MAZ: variants seen among roughly 807,000 people sequenced by gnomAD.
MAZ encodes MYC associated zinc finger protein.
A neutral mutation model predicts 32.7 loss-of-function variants in MAZ; 4 were observed. That is an observed-to-expected ratio of 0.12 (90% CI 0.06 to 0.28). The LOEUF (loss-of-function observed/expected upper bound fraction) is 0.28, where lower values mean the gene tolerates loss of function less well. Among genes scored for constraint, MAZ ranks in the 10% least tolerant of loss-of-function variants. The pLI, the probability that MAZ is intolerant of heterozygous loss-of-function variation, is 1.00. For synonymous variants in MAZ, 510 were observed against 297.6 expected, an observed-to-expected ratio of 1.71 and a Z score of -7.35; for missense variants, 763 against 667.2, an observed-to-expected ratio of 1.14 and a Z score of -1.58.
intron 4 of MAZ, 109 bp from the exon 5 acceptor site, chr16:29,809,968 A>T: frequency 6.6e-7 from 1 of 1,513,124 alleles, no homozygotes; most frequent in Non-Finnish European, 8.9e-7. Flanking sequence ...CCAGATAGGA[A>T]GTGAGCAACG....
Position 29,808,691 on chromosome 16 carries a change from T to C in MAZ, c.1229T>C (p.Met410Thr). 1 of 1,613,894 alleles carries C rather than the reference T, an allele frequency of 6.2e-7. No homozygotes were observed. Among genetic ancestry groups the C allele is most frequent in the Non-Finnish European group, 8.5e-7 (1 of 1,179,972 alleles). The change falls in exon 4 of 5, where the codon ATG (methionine) becomes ACG (threonine). Residue 410 changes from methionine to threonine, a missense_variant. Physicochemically the swap from Met to Thr is moderately conservative, Grantham distance 81. Coordinates refer to ENST00000322945, the MANE Select transcript of MAZ (RefSeq NM_002383.4). Reference sequence around the variant, plus strand: ...AGCTCGGCTTATATTTCGGACCACATGAAGGTGCACAGCCAGGGTCCTCAC... The same window carrying C: ...AGCTCGGCTTATATTTCGGACCACACGAAGGTGCACAGCCAGGGTCCTCAC... ...MLSSAYISDH[M>T]KVHSQGPHHV...
Position 29,810,580 on chromosome 16 carries a change from C to T in MAZ, c.*349C>T. On this transcript the variant is annotated 3_prime_UTR_variant, in exon 5 of 5. Transcript: ENST00000322945. ...TTCCCAGGGACTTGTGAGCCTCTTC[C>T]CTCGACGGTCCTCTTCTCTCCTTCC... is the stretch of plus-strand genomic sequence containing the variant. The T allele has an allele frequency of 2.9e-6, 2 of 694,268 alleles. No homozygotes were observed. Among genetic ancestry groups the T allele is most frequent in the Non-Finnish European group, 2.6e-6 (1 of 379,822 alleles). 43.0% of individuals were successfully genotyped at this position (694,268 alleles called of 1,614,324 possible).
At chr16:29,808,510 C>T (rs1899689818) in intron 3 of MAZ, 60 bp from the exon 4 acceptor site, 3 of 1,201,842 alleles carry the variant, frequency 2.5e-6, no homozygotes, top group Non-Finnish European at 3.6e-6. Flanking sequence ...CTCCCCCCTC[C>T]CCAGCCCACC....
Position 29,806,606 on chromosome 16 carries a change from CCCGG to C in MAZ, c.-87_-84del. The C allele has an allele frequency of 1.0e-6, 1 of 968,278 alleles. No homozygotes were observed. The highest frequency in any genetic ancestry group is 1.2e-6 in the Non-Finnish European group (1 of 819,644). The allele number at this position is 968,278 out of a possible 1,614,324, so 60.0% of individuals were successfully genotyped here. On this transcript the variant is annotated 5_prime_UTR_variant, in exon 1 of 5. The change abolishes the stop of an existing upstream ORF in the 5' untranslated region. Coordinates refer to ENST00000322945, the MANE Select transcript of MAZ (RefSeq NM_002383.4). ...GGGCCATGCGTTCGGCGCGGCCCAG[CCCGG>C]CCGGCCGGGGGCGGCGCCCCGAGCC...
rs967643384 is a variant in MAZ, at chr16:29,810,155, C to T, written c.1358C>T (p.Pro453Leu). ...AAAAAAVAAP[P>L]TAVGSLSGAE... is the part of the protein sequence containing the mutation. ...GCAGCGGCAGCAGTAGCAGCCCCTC[C>T]CACAGCTGTGGGCTCCCTCTCGGGG... Residue 453 changes from proline (P) to leucine (L), a missense_variant, in exon 5 of 5, where the codon CCC (proline) becomes CTC (leucine). Physicochemically the swap from Pro to Leu is moderately conservative, Grantham distance 98. Transcript: ENST00000322945. 9 of 1,611,968 alleles carry T rather than the reference C, an allele frequency of 5.6e-6. No individual in the cohort carries two copies. Among genetic ancestry groups the T allele is most frequent in the Non-Finnish European group, 7.6e-6 (9 of 1,179,364 alleles).
At chr16:29,808,790 TG>T (rs1370462209) in intron 4 of MAZ, 49 bp downstream of exon 4, 17 of 1,584,786 alleles carry the variant, frequency 1.1e-5, no homozygotes, top group East Asian at 9.0e-5. Flanking sequence ...GGTGGGCGCC[TG>T]GCCAGACGCC....
At position 29,810,584 on chromosome 16, in the gene MAZ, G is replaced by A. The variant is rs928293818; in HGVS notation, c.*353G>A. ...CAGGGACTTGTGAGCCTCTTCCCTC[G>A]ACGGTCCTCTTCTCTCCTTCCAGTC... On this transcript the variant is annotated 3_prime_UTR_variant, in exon 5 of 5. Coordinates refer to ENST00000322945, the MANE Select transcript of MAZ (RefSeq NM_002383.4). 2 of 693,352 alleles carry A rather than the reference G, an allele frequency of 2.9e-6. No homozygotes were observed. Among genetic ancestry groups the A allele is most frequent in the African/African-American group, 3.5e-5 (2 of 56,718 alleles). The allele number at this position is 693,352 out of a possible 1,614,324, so 42.9% of individuals were successfully genotyped here.
chr16:29,809,605 G>A, intron 4 of MAZ: 1 of 1,612,152 alleles, frequency 6.2e-7, no homozygotes. Flanking sequence ...GGCCCCGCGG[G>A]CTGACCGCAT....
At chr16:29,808,145 G>T (rs1027896337) in intron 2 of MAZ, 85 bp from the exon 3 acceptor site, 6 of 1,240,450 alleles carry the variant, frequency 4.8e-6, no homozygotes, top group African/African-American at 1.5e-5. Context: ...GGAGGCGCAG[G>T]GATCCTCGGA....
Position 29,811,004 on chromosome 16 carries a change from A to T in MAZ, c.*773A>T, listed in dbSNP as rs528061657. Reference sequence around the variant, plus strand: ...GTGTCCCCCTCCCCTCTTCCACCCCAGCTCCAGCCCTGGTCTTGTCTTTTC... The same window carrying T: ...GTGTCCCCCTCCCCTCTTCCACCCCTGCTCCAGCCCTGGTCTTGTCTTTTC... On this transcript the variant is annotated 3_prime_UTR_variant, in exon 5 of 5. Coordinates refer to ENST00000322945, the MANE Select transcript of MAZ (RefSeq NM_002383.4). 2.1e-4 allele frequency: 93 copies of T among 449,860 alleles called. 3 individuals carry two copies. The highest frequency in any genetic ancestry group is 1.4e-3 in the South Asian group (90 of 63,224). 27.9% of individuals were successfully genotyped at this position (449,860 alleles called of 1,614,324 possible).
At position 29,810,377 on chromosome 16, in the gene MAZ, G is replaced by A. The variant is rs940945408; in HGVS notation, c.*146G>A. The A allele has an allele frequency of 8.0e-6, 7 of 875,340 alleles. No individual in the cohort carries two copies. Among genetic ancestry groups the A allele is most frequent in the Admixed American group, 8.0e-5 (4 of 50,202 alleles). 54.2% of individuals were successfully genotyped at this position (875,340 alleles called of 1,614,324 possible). ...AAAGGAGGAAGAAATGTTTTCTTAG[G>A]GGAATTCGCTAGGTTTTAACGATTT... On this transcript the variant is annotated 3_prime_UTR_variant, in exon 5 of 5. Transcript: ENST00000322945.
At position 29,810,064 on chromosome 16, in the gene MAZ, T is replaced by C. The variant is rs1227325898; in HGVS notation, c.1280-13T>C. ...CAGATCGCGCTGTGATCCGTGGTGT[T>C]TCTCCTGTGCAGGTACTGGTGAGGT... On this transcript the variant is annotated splice_polypyrimidine_tract_variant and intron_variant, in intron 4 of 4. Coordinates refer to ENST00000322945, the MANE Select transcript of MAZ (RefSeq NM_002383.4). The C allele has an allele frequency of 1.0e-5, 16 of 1,600,012 alleles. No individual in the cohort carries two copies. Among genetic ancestry groups the C allele is most frequent in the Non-Finnish European group, 1.3e-5 (15 of 1,172,218 alleles).
rs1224711953 is a variant in MAZ at position 29,807,156 on chromosome 16, C to T, written c.371C>T (p.Thr124Ile). 1 of 1,082,212 alleles carries T rather than the reference C, an allele frequency of 9.2e-7. No homozygotes were observed. Among genetic ancestry groups the T allele is most frequent in the Non-Finnish European group, 1.1e-6 (1 of 869,570 alleles). The allele number at this position is 1,082,212 out of a possible 1,614,324, so 67.0% of individuals were successfully genotyped here. A position where few individuals can be genotyped will look rare whatever the true frequency, so the allele number is the denominator to read the frequency against. ...PAPAAASTVDTAALKQPPAPP... is the reference protein window; with the variant it reads ...PAPAAASTVDIAALKQPPAPP... ...CCTGCCGCCGCCTCTACGGTGGACACAGCGGCCCTGAAGCAGCCTCCGGCG... is the reference window on the plus strand; with the variant it reads ...CCTGCCGCCGCCTCTACGGTGGACATAGCGGCCCTGAAGCAGCCTCCGGCG... The change falls in exon 2 of 5, where the codon ACA becomes ATA. Residue 124 changes from threonine to isoleucine, a missense_variant. Coordinates refer to ENST00000322945, the MANE Select transcript of MAZ (RefSeq NM_002383.4).
chr16:29,807,854 C>T (rs767025801), intron 2 of MAZ, 26 bp downstream of exon 2: 1 of 1,593,542 alleles, frequency 6.3e-7, no homozygotes, highest in Non-Finnish European at 8.5e-7. Context: ...CGGCCGCCCG[C>T]TAGGCCGTGG....
chr16:29,809,502 G>T, intron 4 of MAZ: 1 of 1,350,666 alleles, frequency 7.4e-7, no homozygotes. Context: ...GTCTCCGCCT[G>T]GCTGACCCCC....
In MAZ at chr16:29,806,566, G is replaced by T; in HGVS notation, c.-136G>T. ...CTCCCGCCGGCCGGGGTGCGCGGGCGGCGGGGCGGCCCGCGGGCCATGCGT... is the reference window on the plus strand; with the variant it reads ...CTCCCGCCGGCCGGGGTGCGCGGGCTGCGGGGCGGCCCGCGGGCCATGCGT... On this transcript the variant is annotated 5_prime_UTR_variant, in exon 1 of 5. Transcript: ENST00000322945. 1 of 942,246 alleles carries T rather than the reference G, an allele frequency of 1.1e-6. No individual in the cohort carries two copies. Among genetic ancestry groups the T allele is most frequent in the Non-Finnish European group, 1.3e-6 (1 of 797,602 alleles). The allele number at this position is 942,246 out of a possible 1,614,324, so 58.4% of individuals were successfully genotyped here.
At chr16:29,808,363 C>T (rs1350370438) in intron 3 of MAZ, 70 bp downstream of exon 3, 7 of 1,428,446 alleles carry the variant, frequency 4.9e-6, no homozygotes, top group East Asian at 2.3e-5. Context: ...CTGAGTCAGT[C>T]TCTCAGACCC....
rs767367906 is a variant in MAZ, at chr16:29,807,542, G to C, written c.757G>C (p.Ala253Pro). 36 of 1,599,072 alleles carry C rather than the reference G, an allele frequency of 2.3e-5. No individual in the cohort carries two copies. In the East Asian group the frequency reaches 6.3e-4, roughly 28 times the overall value. ...GAGGGGGEAG[A>P]GGGAAAVAAG... ...CGGCGGGGGAGGGGGAGAGGCGGGT[G>C]CCGGCGGCGGCGCTGCCGCAGTGGC... The change falls in exon 2 of 5, where the codon GCC becomes CCC. Residue 253 changes from alanine (A) to proline (P), a missense_variant. Coordinates refer to ENST00000322945, the MANE Select transcript of MAZ (RefSeq NM_002383.4).
chr16:29,809,860 G>A lies in MAZ; in HGVS notation c.1280-217G>A, dbSNP rs368565899. 1.3e-4 allele frequency: 123 copies of A among 973,740 alleles called. No individual in the cohort carries two copies. In the East Asian group the frequency reaches 3.1e-3, roughly 24 times the overall value. 60.3% of individuals were successfully genotyped at this position (973,740 alleles called of 1,614,324 possible). On this transcript the variant is annotated intron_variant, in intron 4 of 4. Transcript: ENST00000322945. ...AGGGGATCTCAGGAAGGCGAGGGAT[G>A]CCCATGTACCACTCAGGCTAGGGAG...
Sources: gnomAD v4.1 joint callset for allele counts on GRCh38, gnomAD v4.1.1 for gene constraint, MANE v1.5 for transcripts, NCBI Gene and HGNC (gene_info 2026-07-23, HGNC 2026-07-21) for gene names.